CD274: variants seen among roughly 807,000 people sequenced by gnomAD.
CD274 encodes the protein CD274 molecule, also known as programmed cell death 1 ligand 1.
Under a neutral mutation model 30.1 loss-of-function variants are expected in CD274, and 8 were observed. The observed-to-expected ratio is 0.27, with a 90% confidence interval of 0.16 to 0.48. The LOEUF is 0.48. CD274 is among the 20% of genes least tolerant of loss of function. The pLI is 0.99. For synonymous variants in CD274, 152 were observed against 124.6 expected (o/e 1.22, Z -1.46); for missense variants, 353 against 346.6 (o/e 1.02, Z -0.15).
chr9:5,463,170 G>A (rs1479529428), intron 4 of CD274, 49 bp downstream of exon 4: 1 of 1,406,260 alleles, frequency 7.1e-7, no homozygotes, highest in South Asian at 1.2e-5. Context: ...CTGTCCCCTA[G>A]CACCTAGCAT....
intron 6 of CD274, among the ~76,000 whole-genome samples, 160 bp from the exon 7 acceptor site, chr9:5,467,680 G>A (rs1819519877): frequency 6.6e-6 from 1 of 152,180 alleles, no homozygotes; most frequent in Admixed American, 6.5e-5. Context: ...AGGATATCAT[G>A]TAAGGATAAT....
Position 5,470,316 on chromosome 9 carries a change from TTCCTAAG to T in CD274, c.*2461_*2467del, listed in dbSNP as rs1387057498. 9.5e-5 allele frequency: 22 copies of T among 232,582 alleles called. No individual in the cohort carries two copies. The highest frequency in any genetic ancestry group is 4.4e-4 in the African/African-American group (20 of 45,424). 14.4% of individuals were successfully genotyped at this position (232,582 alleles called of 1,614,324 possible). A position where few individuals can be genotyped will look rare whatever the true frequency, so the allele number is the denominator to read the frequency against. Reference sequence around the variant, plus strand: ...CAAGGCACATAGTCTACTCAGTCTATTCCTAAGTCCTAACTCCTCCTTGTGGTGTTGG... The same window carrying T: ...CAAGGCACATAGTCTACTCAGTCTATTCCTAACTCCTCCTTGTGGTGTTGG... On this transcript the variant is annotated 3_prime_UTR_variant, in exon 7 of 7. Coordinates refer to ENST00000381577, the MANE Select transcript of CD274 (RefSeq NM_014143.4).
chr9:5,456,734 T>A (rs922966073), intron 2 of CD274, among the ~76,000 whole-genome samples: 1 of 152,216 alleles, frequency 6.6e-6, no homozygotes, highest in Non-Finnish European at 1.5e-5. Context: ...CAAATAGGTG[T>A]CCTGTCAAAG....
In CD274 at chr9:5,469,290, T is replaced by A. The variant is rs1183473088; in HGVS notation, c.*1428T>A. 2 of 232,772 alleles carry A rather than the reference T, an allele frequency of 8.6e-6. No homozygotes were observed. Among genetic ancestry groups the A allele is most frequent in the Non-Finnish European group, 1.7e-5 (2 of 117,836 alleles). 14.4% of individuals were successfully genotyped at this position (232,772 alleles called of 1,614,324 possible). ...TGTTTAACAGTTCTGTCTTTTCTAT[T>A]TAAATGCCACTAAATTTTAAATTCA... On this transcript the variant is annotated 3_prime_UTR_variant, in exon 7 of 7. Transcript: ENST00000381577.
At position 5,470,270 on chromosome 9, in the gene CD274, C is replaced by T. The variant is rs904432677; in HGVS notation, c.*2408C>T. ...GTGACAGTGTTCTTTGTGTGAATTA[C>T]AGGCAAGAATTGTGGCTGAGCAAGG... On this transcript the variant is annotated 3_prime_UTR_variant, in exon 7 of 7. Coordinates refer to ENST00000381577, the MANE Select transcript of CD274 (RefSeq NM_014143.4). 7 of 232,416 alleles carry T rather than the reference C, an allele frequency of 3.0e-5. No homozygotes were observed. The highest frequency in any genetic ancestry group is 5.6e-5 in the Admixed American group (1 of 17,738). 14.4% of individuals were successfully genotyped at this position (232,416 alleles called of 1,614,324 possible). A position where few individuals can be genotyped will look rare whatever the true frequency, so the allele number is the denominator to read the frequency against.
Position 5,462,992 on chromosome 9 carries a change from A to AAG in CD274, c.560_561dup (p.Glu188ArgfsTer7). On this transcript the variant is annotated frameshift_variant, in exon 4 of 7. Transcript: ENST00000381577. LOFTEE classifies it high-confidence loss of function. Reference sequence around the variant, plus strand: ...TGGTAAGACCACCACCACCAATTCCAAGAGAGAGGAGAAGCTTTTCAATGT... The same window carrying AAG: ...TGGTAAGACCACCACCACCAATTCCAAGAGAGAGAGGAGAAGCTTTTCAATGT... The AAG allele has an allele frequency of 6.2e-7, 1 of 1,614,106 alleles. No homozygotes were observed. The highest frequency in any genetic ancestry group is 8.5e-7 in the Non-Finnish European group (1 of 1,179,952).
intron 6 of CD274, 111 bp downstream of exon 6, chr9:5,466,940 G>T: frequency 3.9e-6 from 3 of 773,304 alleles, no homozygotes; most frequent in Non-Finnish European, 2.1e-6. Flanking sequence ...AAAGAATGCT[G>T]GTTCCCCTTT....
In CD274 at chr9:5,468,392, T is replaced by G; in HGVS notation, c.*530T>G. On this transcript the variant is annotated 3_prime_UTR_variant, in exon 7 of 7. Coordinates refer to ENST00000381577, the MANE Select transcript of CD274 (RefSeq NM_014143.4). ...TGAATGATTTCTTTTGAAGATATAT[T>G]GTAGTAGATGTTACAATTTTGTCGC... 4.3e-6 allele frequency: 1 copy of G among 234,016 alleles called. No homozygotes were observed. The highest frequency in any genetic ancestry group is 5.6e-5 in the Admixed American group (1 of 17,888). The allele number at this position is 234,016 out of a possible 1,614,324, so 14.5% of individuals were successfully genotyped here. A position where few individuals can be genotyped will look rare whatever the true frequency, so the allele number is the denominator to read the frequency against.
intron 5 of CD274, 72 bp downstream of exon 5, chr9:5,465,678 G>A (rs1396694108): frequency 1.1e-6 from 1 of 928,116 alleles, no homozygotes; most frequent in East Asian, 2.5e-5. Context: ...ATGGCTGCAA[G>A]GAAACCCGAC....
In CD274 at chr9:5,468,783, G is replaced by A. The variant is rs561827341; in HGVS notation, c.*921G>A. ...AGTAACTTGCCCAAACCAGTAAATA[G>A]CAGACCTCAGACTGCCACCCACTGT... On this transcript the variant is annotated 3_prime_UTR_variant, in exon 7 of 7. Coordinates refer to ENST00000381577, the MANE Select transcript of CD274 (RefSeq NM_014143.4). The A allele has an allele frequency of 2.9e-4, 68 of 233,078 alleles. No homozygotes were observed. Among genetic ancestry groups the A allele is most frequent in the South Asian group, 5.4e-4 (3 of 5,524 alleles). The allele number at this position is 233,078 out of a possible 1,614,324, so 14.4% of individuals were successfully genotyped here.
At chr9:5,452,344 C>T (rs768567989) in intron 1 of CD274, among the ~76,000 whole-genome samples, 2 of 152,170 alleles carry the variant, frequency 1.3e-5, no homozygotes, top group Non-Finnish European at 2.9e-5. Flanking sequence ...TCTCATCCTC[C>T]TACCCATCCT....
intron 1 of CD274, among the ~76,000 whole-genome samples, chr9:5,452,464 T>G (rs1254398502): frequency 1.3e-5 from 2 of 152,260 alleles, no homozygotes; most frequent in Non-Finnish European, 2.9e-5. Flanking sequence ...TTCCCCAGTT[T>G]ACATTTCATT....
At chr9:5,465,804 T>C (rs1159903801) in intron 5 of CD274, 198 bp downstream of exon 5, 1 of 441,928 alleles carries the variant, frequency 2.3e-6, no homozygotes, top group Non-Finnish European at 4.1e-6. Context: ...GGAGAATGGG[T>C]ATGGATGGAG....
At position 5,468,696 on chromosome 9, in the gene CD274, C is replaced by T. The variant is rs977837189; in HGVS notation, c.*834C>T. ...CATAATCTCATTTCATCGCTGTAAC[C>T]ACCCTGTTGTGATAACCACTATTAT... is the stretch of plus-strand genomic sequence containing the variant. On this transcript the variant is annotated 3_prime_UTR_variant, in exon 7 of 7. Transcript: ENST00000381577. 2.2e-4 allele frequency: 52 copies of T among 233,028 alleles called. No individual in the cohort carries two copies. The Middle Eastern group carries it at 3.8e-3, about 17-fold the overall frequency. The allele number at this position is 233,028 out of a possible 1,614,324, so 14.4% of individuals were successfully genotyped here. A position where few individuals can be genotyped will look rare whatever the true frequency, so the allele number is the denominator to read the frequency against.
intron 3 of CD274, among the ~76,000 whole-genome samples, chr9:5,459,136 A>G (rs1819359025): frequency 6.6e-6 from 1 of 152,204 alleles, no homozygotes; most frequent in African/African-American, 2.4e-5. Context: ...CCATGGATCA[A>G]CACAATAGGA....
At chr9:5,464,105 T>C (rs1222775207) in intron 4 of CD274, among the ~76,000 whole-genome samples, 1 of 152,136 alleles carries the variant, frequency 6.6e-6, no homozygotes, top group Non-Finnish European at 1.5e-5. Flanking sequence ...CAGGACGGTG[T>C]TGTGAACAGA....
rs1291738532 is a variant in CD274, at chr9:5,469,122, C to G, written c.*1260C>G. The G allele has an allele frequency of 4.3e-6, 1 of 232,956 alleles. No individual in the cohort carries two copies. Among genetic ancestry groups the G allele is most frequent in the African/African-American group, 2.2e-5 (1 of 45,322 alleles). 14.4% of individuals were successfully genotyped at this position (232,956 alleles called of 1,614,324 possible). A position where few individuals can be genotyped will look rare whatever the true frequency, so the allele number is the denominator to read the frequency against. The stretch of plus-strand genomic sequence containing the variant: ...GGATATACTTAAACATCTTAATAAT[C>G]AGAGTAATTTTCATTTACAAAGAGA... On this transcript the variant is annotated 3_prime_UTR_variant, in exon 7 of 7. Coordinates refer to ENST00000381577, the MANE Select transcript of CD274 (RefSeq NM_014143.4).
intron 3 of CD274, among the ~76,000 whole-genome samples, chr9:5,458,668 G>A (rs1009563995): frequency 3.3e-5 from 5 of 152,188 alleles, no homozygotes; most frequent in Non-Finnish European, 5.9e-5. Context: ...TAAGAGAAAT[G>A]TATCAGTTTT....
rs764803463 is a variant in CD274 at position 5,462,943 on chromosome 9, A to G, written c.504A>G (p.Thr168=). ...ACCCCAAGGCCGAAGTCATCTGGACAAGCAGTGACCATCAAGTCCTGAGTG... is the reference window on the plus strand; with the variant it reads ...ACCCCAAGGCCGAAGTCATCTGGACGAGCAGTGACCATCAAGTCCTGAGTG... ...EGYPKAEVIW[T]SSDHQVLSGK... The change falls in exon 4 of 7, where the codon ACA becomes ACG. Residue 168 remains threonine (T), a synonymous_variant. Coordinates refer to ENST00000381577, the MANE Select transcript of CD274 (RefSeq NM_014143.4). The G allele has an allele frequency of 2.1e-5, 34 of 1,614,118 alleles. No individual in the cohort carries two copies. The highest frequency in any genetic ancestry group is 2.9e-5 in the Non-Finnish European group (34 of 1,179,962).
Sources: allele counts gnomAD v4.1 joint callset (sites outside exome capture counted in the v4.1 genomes callset), GRCh38; gene constraint gnomAD v4.1.1; transcripts MANE v1.5; gene names NCBI Gene and HGNC (gene_info 2026-07-23, HGNC 2026-07-21).